Variants in LYPLAL1 observed in about 807,000 individuals in gnomAD.
LYPLAL1 encodes the protein lysophospholipase like 1.
In LYPLAL1, 23 loss-of-function variants were observed where a neutral mutation model predicts 19.7. The observed-to-expected ratio is 1.17, with a 90% CI of 0.84 to 1.65. The LOEUF (loss-of-function observed/expected upper bound fraction) is 1.65, where lower values mean the gene tolerates loss of function less well. Ranked by LOEUF, LYPLAL1 falls within the 40% of genes most tolerant of loss-of-function variation. The pLI is 0.00. For synonymous variants in LYPLAL1, 119 were observed against 96.3 expected (o/e 1.24, Z -1.38); for missense variants, 355 against 279.4 (o/e 1.27, Z -1.93).
the LYPLAL1 span, among the ~76,000 whole-genome samples, chr1:219,305,275 C>T: frequency 6.6e-6 from 1 of 152,044 alleles, no homozygotes; most frequent in South Asian, 2.1e-4. Context: ...GGGTAGTTAA[C>T]CCATCAGGAG....
chr1:219,249,293 C>T, the LYPLAL1 span, among the ~76,000 whole-genome samples: 4 of 152,006 alleles, frequency 2.6e-5, no homozygotes, highest in African/African-American at 9.7e-5. Context: ...GGTATTTGGC[C>T]TTTGTAAAAA....
the LYPLAL1 span, among the ~76,000 whole-genome samples, chr1:219,289,621 G>A: frequency 6.6e-6 from 1 of 152,158 alleles, no homozygotes; most frequent in Admixed American, 6.6e-5. Context: ...TGAAGACTCT[G>A]CTTCAAGTAG....
chr1:219,390,104 T>A, the LYPLAL1 span, among the ~76,000 whole-genome samples: 1 of 152,120 alleles, frequency 6.6e-6, no homozygotes, highest in Admixed American at 6.6e-5. Context: ...AGGCTTCATT[T>A]TGTCTCCCAT....
intron 1 of LYPLAL1, 156 bp downstream of exon 1, chr1:219,174,137 C>CG: frequency 6.9e-7 from 1 of 1,449,674 alleles, no homozygotes; most frequent in South Asian, 1.4e-5. Context: ...GCACGGGCAG[C>CG]GCCACCTGCC....
At chr1:219,296,326 G>T in the LYPLAL1 span, among the ~76,000 whole-genome samples, 1 of 152,198 alleles carries the variant, frequency 6.6e-6, no homozygotes, top group African/African-American at 2.4e-5. Flanking sequence ...GTCACTCTGT[G>T]CAGGGCCTCT....
intron 1 of LYPLAL1, among the ~76,000 whole-genome samples, chr1:219,178,515 G>A (rs536688072): frequency 2.6e-5 from 4 of 152,092 alleles, no homozygotes; most frequent in African/African-American, 4.8e-5. Flanking sequence ...TCCATAAGAT[G>A]GACTTATATT....
the LYPLAL1 span, among the ~76,000 whole-genome samples, chr1:219,258,265 G>A: frequency 1.3e-5 from 2 of 152,036 alleles, no homozygotes; most frequent in Non-Finnish European, 2.9e-5. Context: ...ACAGGGTCCT[G>A]AGGTCATGTA....
the LYPLAL1 span, among the ~76,000 whole-genome samples, chr1:219,375,759 G>T: frequency 6.9e-6 from 1 of 144,626 alleles, no homozygotes; most frequent in Non-Finnish European, 1.5e-5. Flanking sequence ...TTTTTGGCGT[G>T]GGGGCAGAGT....
chr1:219,409,091 T>C, the LYPLAL1 span, among the ~76,000 whole-genome samples: 2 of 152,152 alleles, frequency 1.3e-5, no homozygotes, highest in Admixed American at 6.5e-5. Flanking sequence ...AAGCCTGAAC[T>C]TGGGAGTGAC....
At chr1:219,194,646 A>G (rs1478531187) in intron 3 of LYPLAL1, among the ~76,000 whole-genome samples, 6 of 151,978 alleles carry the variant, frequency 3.9e-5, no homozygotes, top group Non-Finnish European at 8.8e-5. Flanking sequence ...CCCAGAACCT[A>G]TCACAATGCC....
intron 3 of LYPLAL1, among the ~76,000 whole-genome samples, chr1:219,209,279 G>T (rs1201143274): frequency 6.6e-6 from 1 of 151,958 alleles, no homozygotes; most frequent in African/African-American, 2.4e-5. Context: ...TTGCCAGACT[G>T]GTAATCTTCT....
the LYPLAL1 span, among the ~76,000 whole-genome samples, chr1:219,249,836 C>T: frequency 4.6e-5 from 7 of 151,938 alleles, no homozygotes; most frequent in African/African-American, 1.4e-4. Context: ...GGGATATTTA[C>T]TTTTCTAAAG....
chr1:219,375,898 C>G, the LYPLAL1 span, among the ~76,000 whole-genome samples: 1 of 152,038 alleles, frequency 6.6e-6, no homozygotes, highest in South Asian at 2.1e-4. Flanking sequence ...CCCGCCACCA[C>G]GCCCAGCTAA....
the LYPLAL1 span, among the ~76,000 whole-genome samples, chr1:219,234,420 T>C: frequency 6.6e-6 from 1 of 152,140 alleles, no homozygotes; most frequent in African/African-American, 2.4e-5. Flanking sequence ...ATAACTTCCT[T>C]AAGTAATAGT....
rs1313716482 is a variant in LYPLAL1 at position 219,173,921 on chromosome 1, C to T, written c.31C>T (p.Arg11Cys). 5 of 1,613,638 alleles carry T rather than the reference C, an allele frequency of 3.1e-6. No individual in the cohort carries two copies. Among genetic ancestry groups the T allele is most frequent in the East Asian group, 4.5e-5 (2 of 44,882 alleles). The change falls in exon 1 of 5, where the codon CGC becomes TGC. Residue 11 changes from arginine (R) to cysteine (C), a missense_variant. By Grantham distance (180) the Arg-to-Cys change is radical. Transcript: ENST00000366928. ...GGCTGCGTCGGGGTCGGTTCTGCAG[C>T]GCTGTATCGTGTCGCCGGCAGGGAG... is the stretch of plus-strand genomic sequence containing the variant. Reference protein sequence around the residue: MAAASGSVLQRCIVSPAGRHS... With the variant: MAAASGSVLQCCIVSPAGRHS...
At chr1:219,257,327 T>C in the LYPLAL1 span, among the ~76,000 whole-genome samples, 2 of 150,266 alleles carry the variant, frequency 1.3e-5, no homozygotes, top group East Asian at 4.0e-4. Context: ...AAATCTACTT[T>C]GGTTGATTTT....
the LYPLAL1 span, among the ~76,000 whole-genome samples, chr1:219,219,541 A>G: frequency 6.6e-6 from 1 of 152,192 alleles, no homozygotes; most frequent in Non-Finnish European, 1.5e-5. Context: ...CCAGTTAGTT[A>G]AAACAATTGA....
At chr1:219,209,216 G>C (rs1019027937) in intron 3 of LYPLAL1, among the ~76,000 whole-genome samples, 2 of 152,018 alleles carry the variant, frequency 1.3e-5, no homozygotes, top group Admixed American at 1.3e-4. Context: ...GAAAATCACA[G>C]ATAACTTTTA....
the LYPLAL1 span, among the ~76,000 whole-genome samples, chr1:219,345,363 G>A: frequency 6.6e-6 from 1 of 152,146 alleles, no homozygotes; most frequent in African/African-American, 2.4e-5. Flanking sequence ...ATGATCCTAA[G>A]CATATACCCA....
Sources: gnomAD v4.1 joint callset for allele counts (sites outside exome capture counted in the v4.1 genomes callset) on GRCh38, gnomAD v4.1.1 for gene constraint, MANE v1.5 for transcripts, NCBI Gene and HGNC (gene_info 2026-07-23, HGNC 2026-07-21) for gene names.